Variants in ZXDC observed in about 807,000 individuals in gnomAD.
The protein encoded by ZXDC is ZXD family zinc finger C.
A neutral mutation model predicts 63.6 loss-of-function variants in ZXDC; 58 were observed. The observed-to-expected ratio is 0.91, with a 90% CI of 0.74 to 1.13. ZXDC has a LOEUF of 1.13. ZXDC is among the 50% of genes most tolerant of loss of function. The probability of loss-of-function intolerance (pLI) is 0.00; values close to 1 mark genes in which losing one functional copy is unlikely to be tolerated. For synonymous variants in ZXDC, 561 were observed against 496.1 expected, an observed-to-expected ratio of 1.13 and a Z score of -1.74; for missense variants, 1,133 against 1,148.9, an observed-to-expected ratio of 0.99 and a Z score of 0.20.
At position 126,471,171 on chromosome 3, in the gene ZXDC, C is replaced by T. The variant is rs946336074; in HGVS notation, c.1140-146G>A. On this transcript the variant is annotated intron_variant, in intron 3 of 9. Coordinates refer to ENST00000389709, the MANE Select transcript of ZXDC (RefSeq NM_025112.5). ...GGAAAATCTTAATTCTGTCTTTAATCCATGTGAGCAGATTTGCAATTTAGC... is the reference window on the plus strand; with the variant it reads ...GGAAAATCTTAATTCTGTCTTTAATTCATGTGAGCAGATTTGCAATTTAGC... 21 of 1,232,404 alleles carry T rather than the reference C, an allele frequency of 1.7e-5. No individual in the cohort carries two copies. In the African/African-American group the frequency reaches 2.4e-4, roughly 14 times the overall value. The allele number at this position is 1,232,404 out of a possible 1,614,324, so 76.3% of individuals were successfully genotyped here. A position where few individuals can be genotyped will look rare whatever the true frequency, so the allele number is the denominator to read the frequency against.
chr3:126,459,279 TC>T, intron 7 of ZXDC: 1 of 985,386 alleles, frequency 1.0e-6, no homozygotes, highest in Non-Finnish European at 1.2e-6. Flanking sequence ...ACAGTGGCAG[TC>T]CCCAGGTCTC....
intron 7 of ZXDC, chr3:126,452,550 TA>T: frequency 1.0e-6 from 1 of 985,022 alleles, no homozygotes; most frequent in Non-Finnish European, 1.2e-6. Flanking sequence ...GAGAGAATAA[TA>T]AAGTTATTCA....
At chr3:126,471,720 G>GTT (rs961180236) in intron 3 of ZXDC, among the ~76,000 whole-genome samples, 1 of 146,772 alleles carries the variant, frequency 6.8e-6, no homozygotes. Context: ...ACCTGGAATT[G>GTT]TTTTTTTTTT....
chr3:126,441,604 G>T, intron 8 of ZXDC, 161 bp downstream of exon 8: 1 of 1,355,492 alleles, frequency 7.4e-7, no homozygotes, highest in Non-Finnish European at 9.5e-7. Flanking sequence ...TGGGCTGTGA[G>T]GAGACAGGAC....
chr3:126,442,179 G>A (rs1369372918), intron 7 of ZXDC: 6 of 418,768 alleles, frequency 1.4e-5, no homozygotes, highest in African/African-American at 2.1e-5. Context: ...AACATCATAC[G>A]TATTTTTTTG....
intron 8 of ZXDC, 123 bp downstream of exon 8, chr3:126,441,642 C>G (rs4679120): frequency 3.5e-6 from 5 of 1,426,206 alleles, no homozygotes; most frequent in Non-Finnish European, 4.6e-6. Context: ...GGAGGATGCA[C>G]GAGGGGCAGG....
chr3:126,440,946 C>T, intron 8 of ZXDC: 1 of 985,732 alleles, frequency 1.0e-6, no homozygotes, highest in Non-Finnish European at 1.2e-6. Context: ...GTCACCTCCA[C>T]CCTCCGCACT....
intron 4 of ZXDC, among the ~76,000 whole-genome samples, chr3:126,469,276 C>T (rs191262519): frequency 9.2e-5 from 14 of 152,302 alleles, no homozygotes; most frequent in African/African-American, 2.9e-4. Flanking sequence ...AATGATGATT[C>T]GGGTGCTGTC....
intron 5 of ZXDC, 50 bp from the exon 6 acceptor site, chr3:126,462,270 A>C (rs1934588409): frequency 2.0e-6 from 3 of 1,527,800 alleles, no homozygotes; most frequent in Non-Finnish European, 2.6e-6. Context: ...TTGAAGACTG[A>C]GTACTTTTGT....
At chr3:126,440,411 C>T (rs903974907) in intron 8 of ZXDC, 6 of 985,298 alleles carry the variant, frequency 6.1e-6, no homozygotes, top group Admixed American at 6.1e-5. Flanking sequence ...AACTGAGGCC[C>T]GGAGTGCTTA....
chr3:126,452,360 T>C, intron 7 of ZXDC: 1 of 985,436 alleles, frequency 1.0e-6, no homozygotes, highest in Non-Finnish European at 1.2e-6. Context: ...AGGCTTCTCT[T>C]TCCTTCATCC....
In ZXDC at chr3:126,470,894, C is replaced by T; in HGVS notation, c.1270+1G>A. 6.2e-7 allele frequency: 1 copy of T among 1,614,104 alleles called. No homozygotes were observed. The highest frequency in any genetic ancestry group is 8.5e-7 in the Non-Finnish European group (1 of 1,179,964). ...GCTCAAAGCAATGTTTTAAAATCTA[C>T]CTTCCACAGGACACTCGAACGGCTT... On this transcript the variant is annotated splice_donor_variant, in intron 4 of 9. Coordinates refer to ENST00000389709, the MANE Select transcript of ZXDC (RefSeq NM_025112.5). LOFTEE classifies it high-confidence loss of function.
At chr3:126,447,106 C>A (rs916189259) in intron 7 of ZXDC, among the ~76,000 whole-genome samples, 2 of 152,230 alleles carry the variant, frequency 1.3e-5, no homozygotes, top group African/African-American at 4.8e-5. Flanking sequence ...ACCCGACTGC[C>A]TCCTCCCATC....
chr3:126,458,640 A>G, intron 7 of ZXDC: 1 of 985,464 alleles, frequency 1.0e-6, no homozygotes, highest in Non-Finnish European at 1.2e-6. Context: ...TGTAATAAAT[A>G]GGACACGTGT....
chr3:126,451,611 T>G (rs1362963231), intron 7 of ZXDC: 1 of 985,324 alleles, frequency 1.0e-6, no homozygotes, highest in East Asian at 1.1e-4. Context: ...AGGCCGGCAC[T>G]GGGCTCCTGT....
intron 7 of ZXDC, chr3:126,450,655 G>T (rs768923967): frequency 2.5e-5 from 10 of 401,712 alleles, no homozygotes; most frequent in Non-Finnish European, 4.5e-5. Flanking sequence ...TCTCCCTGGA[G>T]GGTGGTCCCT....
At chr3:126,454,511 T>G (rs1934234977) in intron 7 of ZXDC, 6 of 985,422 alleles carry the variant, frequency 6.1e-6, no homozygotes, top group Non-Finnish European at 7.2e-6. Context: ...GTCTTAATCT[T>G]AACCTTCCCA....
intron 8 of ZXDC, chr3:126,441,128 G>C: frequency 1.0e-6 from 1 of 985,710 alleles, no homozygotes; most frequent in Non-Finnish European, 1.2e-6. Flanking sequence ...AACTGAGACT[G>C]AAGATGCAGG....
intron 7 of ZXDC, among the ~76,000 whole-genome samples, chr3:126,448,618 C>T (rs879782265): frequency 1.3e-5 from 2 of 152,198 alleles, no homozygotes; most frequent in African/African-American, 2.4e-5. Context: ...CACCAGAGAC[C>T]AGCACGTCGT....
Sources: allele counts gnomAD v4.1 joint callset (sites outside exome capture counted in the v4.1 genomes callset), GRCh38; gene constraint gnomAD v4.1.1; transcripts MANE v1.5; gene names NCBI Gene and HGNC (gene_info 2026-07-23, HGNC 2026-07-21).